The following NLRP4 variants were observed in gnomAD, a reference collection of about 807,000 sequenced individuals.
NLRP4 encodes NACHT, LRR and PYD domains-containing protein 4.
In NLRP4, 44 loss-of-function variants were observed where a neutral mutation model predicts 84.7. The observed-to-expected ratio is 0.52, with a 90% CI of 0.41 to 0.67. The LOEUF (loss-of-function observed/expected upper bound fraction) is 0.67, where lower values mean the gene tolerates loss of function less well. Ranked by LOEUF, NLRP4 falls within the 30% of genes least tolerant of loss-of-function variation. The pLI is 0.00. For synonymous variants in NLRP4, 544 were observed against 476.4 expected, an observed-to-expected ratio of 1.14 and a Z score of -1.85; for missense variants, 1,260 against 1,219.4, an observed-to-expected ratio of 1.03 and a Z score of -0.50.
rs1985400497 is a variant in NLRP4 at position 55,877,084 on chromosome 19, G to A, written c.2614G>A (p.Gly872Arg). The A allele has an allele frequency of 6.2e-7, 1 of 1,613,988 alleles. No individual in the cohort carries two copies. Among genetic ancestry groups the A allele is most frequent in the Admixed American group, 1.7e-5 (1 of 60,002 alleles). ...SNQNLKILQIGCNEIGDVGVQ... is the reference protein window; with the variant it reads ...SNQNLKILQIRCNEIGDVGVQ... ...TCAAAACCTGAAGATTCTGCAAATT[G>A]GGTGCAATGAAATCGGAGATGTGGG... The change falls in exon 8 of 10, where the codon GGG becomes AGG. Residue 872 changes from glycine (G) to arginine (R), a missense_variant. This residue lies in a region of NLRP4 where 544 missense variants were observed against 531.7 expected (regional missense o/e 1.02). Transcript: ENST00000301295.
rs1984188495 is a variant in NLRP4, at chr19:55,852,137, A to C, written c.57A>C (p.Lys19Asn). The change falls in exon 2 of 10, where the codon AAA becomes AAC. Residue 19 changes from lysine to asparagine, a missense_variant. Lys to Asn is a moderately conservative substitution (Grantham distance 94). Around this residue, in one of 3 missense-constraint regions of NLRP4, gnomAD observed 712 missense variants for 669.2 expected, o/e 1.06. Transcript: ENST00000301295. ...FGLMWYLEEL[K>N]KEEFRKFKEH... ...TTATGTGGTATCTGGAGGAGCTCAAAAAGGAGGAGTTCAGGAAATTTAAAG... is the reference window on the plus strand; with the variant it reads ...TTATGTGGTATCTGGAGGAGCTCAACAAGGAGGAGTTCAGGAAATTTAAAG... 2 of 1,607,210 alleles carry C rather than the reference A, an allele frequency of 1.2e-6. No individual in the cohort carries two copies. Among genetic ancestry groups the C allele is most frequent in the African/African-American group, 2.7e-5 (2 of 74,340 alleles).
chr19:55,849,850 G>GT (rs1568657897), intron 1 of NLRP4, among the ~76,000 whole-genome samples: 4,922 of 142,276 alleles, frequency 0.035, 507 homozygotes, highest in African/African-American at 0.087. Context: ...TGTAATTTCC[G>GT]AGACTGCGGT....
chr19:55,881,808 G>C lies in NLRP4; in HGVS notation c.*221G>C, dbSNP rs762843410. 1 of 371,116 alleles carries C rather than the reference G, an allele frequency of 2.7e-6. No homozygotes were observed. Among genetic ancestry groups the C allele is most frequent in the South Asian group, 7.9e-5 (1 of 12,658 alleles). The allele number at this position is 371,116 out of a possible 1,614,324, so 23.0% of individuals were successfully genotyped here. ...CCTTCATGGTCTCTCGGTCTCACAAGGACCTCTTAACCCCTCAATAAAGTG... is the reference window on the plus strand; with the variant it reads ...CCTTCATGGTCTCTCGGTCTCACAACGACCTCTTAACCCCTCAATAAAGTG... On this transcript the variant is annotated 3_prime_UTR_variant, in exon 10 of 10. Coordinates refer to ENST00000301295, the MANE Select transcript of NLRP4 (RefSeq NM_134444.5).
At chr19:55,843,053 C>G (rs1283934445) in intron 1 of NLRP4, among the ~76,000 whole-genome samples, 1 of 152,210 alleles carries the variant, frequency 6.6e-6, no homozygotes, top group Admixed American at 6.5e-5. Flanking sequence ...GCCACCGTGC[C>G]TGGCCTTATT....
At chr19:55,860,595 G>T (rs994653061) in intron 3 of NLRP4, among the ~76,000 whole-genome samples, 2 of 151,736 alleles carry the variant, frequency 1.3e-5, no homozygotes, top group Non-Finnish European at 2.9e-5. Context: ...AAAACCAAAA[G>T]AATCATATGA....
At position 55,862,042 on chromosome 19, in the gene NLRP4, T is replaced by A. The variant is rs1361545844; in HGVS notation, c.2069T>A (p.Leu690His). ...CAGAGTGTTCTGCTCTTTGAGGTGC[T>A]CTTTTATCAGCCAGACTTGAAATAC... is the stretch of plus-strand genomic sequence containing the variant. Reference protein sequence around the residue: ...SGQSVLLFEVLFYQPDLKYLS... With the variant: ...SGQSVLLFEVHFYQPDLKYLS... The change falls in exon 5 of 10, where the codon CTC becomes CAC. Residue 690 changes from leucine (L) to histidine (H), a missense_variant. Leu to His is a moderately conservative substitution (Grantham distance 99). This residue lies in a region of NLRP4 where 544 missense variants were observed against 531.7 expected (regional missense o/e 1.02). Coordinates refer to ENST00000301295, the MANE Select transcript of NLRP4 (RefSeq NM_134444.5). 6.2e-7 allele frequency: 1 copy of A among 1,613,484 alleles called. No individual in the cohort carries two copies. The highest frequency in any genetic ancestry group is 8.5e-7 in the Non-Finnish European group (1 of 1,179,462).
chr19:55,842,885 C>T (rs1600218220), intron 1 of NLRP4, among the ~76,000 whole-genome samples: 1 of 151,970 alleles, frequency 6.6e-6, no homozygotes, highest in East Asian at 1.9e-4. Flanking sequence ...TCAGCCTCCC[C>T]AGTAGCTGAG....
chr19:55,880,458 A>G (rs1985544577), intron 9 of NLRP4, among the ~76,000 whole-genome samples: 1 of 152,196 alleles, frequency 6.6e-6, no homozygotes, highest in Admixed American at 6.5e-5. Context: ...CCTCCTATCT[A>G]CAAAATAGGG....
intron 2 of NLRP4, among the ~76,000 whole-genome samples, chr19:55,853,901 C>CTT (rs1653080707): frequency 8.0e-6 from 1 of 124,452 alleles, no homozygotes; most frequent in African/African-American, 4.3e-5. Context: ...CTCTCTCTCT[C>CTT]TCTCTTTCTC....
chr19:55,869,355 C>A (rs115756703), intron 6 of NLRP4, among the ~76,000 whole-genome samples: 4,907 of 147,174 alleles, frequency 0.033, 184 homozygotes, highest in Middle Eastern at 0.12. Context: ...AAGAGCAAGA[C>A]TGTCTCAAAA....
intron 1 of NLRP4, among the ~76,000 whole-genome samples, chr19:55,848,385 T>C (rs1221784793): frequency 6.6e-6 from 1 of 151,944 alleles, no homozygotes; most frequent in Non-Finnish European, 1.5e-5. Flanking sequence ...TATTGTATAC[T>C]ATACTATACG....
chr19:55,847,691 G>T (rs1024078423), intron 1 of NLRP4, among the ~76,000 whole-genome samples: 2 of 125,806 alleles, frequency 1.6e-5, no homozygotes, highest in Non-Finnish European at 3.1e-5. Flanking sequence ...TCTTTCTTCA[G>T]ATTCCCCCCT....
At chr19:55,844,664 C>T (rs548422363) in intron 1 of NLRP4, among the ~76,000 whole-genome samples, 29 of 152,284 alleles carry the variant, frequency 1.9e-4, no homozygotes, top group African/African-American at 6.7e-4. Flanking sequence ...TGTTCCAGTA[C>T]AGCTAATTGC....
At chr19:55,848,825 C>G (rs141552302) in intron 1 of NLRP4, among the ~76,000 whole-genome samples, 1 of 151,966 alleles carries the variant, frequency 6.6e-6, no homozygotes, top group African/African-American at 2.4e-5. Flanking sequence ...GGGAGGGACC[C>G]GGTGGGAGAT....
At chr19:55,878,110 C>G (rs114481040) in intron 8 of NLRP4, among the ~76,000 whole-genome samples, 1 of 152,140 alleles carries the variant, frequency 6.6e-6, no homozygotes, top group Non-Finnish European at 1.5e-5. Context: ...AAAACCCCAT[C>G]TCCATAAAAA....
At chr19:55,840,967 G>T (rs1000713400) in intron 1 of NLRP4, among the ~76,000 whole-genome samples, 1 of 152,118 alleles carries the variant, frequency 6.6e-6, no homozygotes, top group African/African-American at 2.4e-5. Context: ...CATACCTTAC[G>T]TATGCATGAC....
At chr19:55,855,941 T>C (rs542861818) in intron 2 of NLRP4, among the ~76,000 whole-genome samples, 88 of 152,304 alleles carry the variant, frequency 5.8e-4, no homozygotes, top group Non-Finnish European at 1.1e-3. Context: ...ACAGCTATGA[T>C]TCAGAAATCG....
chr19:55,852,431 T>G, intron 2 of NLRP4, 71 bp downstream of exon 2: 4 of 962,334 alleles, frequency 4.2e-6, no homozygotes, highest in Non-Finnish European at 6.4e-6. Context: ...GAGTGGTCTC[T>G]GCCTGTCTAC....
At chr19:55,869,920 C>A (rs7257395) in intron 6 of NLRP4, among the ~76,000 whole-genome samples, 9,662 of 151,978 alleles carry the variant, frequency 0.064, 705 homozygotes, top group African/African-American at 0.18. Context: ...GAAACCCTTT[C>A]TTGACAAAAA....
Sources: allele counts gnomAD v4.1 joint callset (sites outside exome capture counted in the v4.1 genomes callset), GRCh38; gene constraint gnomAD v4.1.1; regional missense constraint gnomAD v4.1.1; transcripts MANE v1.5; gene names NCBI Gene and HGNC (gene_info 2026-07-23, HGNC 2026-07-21).